The following SHB variants were observed in gnomAD, a reference collection of about 807,000 sequenced individuals.
SHB encodes the protein SH2 domain containing adaptor protein B.
SHB carries 20 observed loss-of-function variants against 52.3 expected under a neutral mutation model. That is an observed-to-expected ratio of 0.38 (90% CI 0.27 to 0.56). The LOEUF (loss-of-function observed/expected upper bound fraction) is 0.56, where lower values mean the gene tolerates loss of function less well. SHB is among the 20% of genes least tolerant of loss of function. The pLI, the probability that SHB is intolerant of heterozygous loss-of-function variation, is 0.71. For missense variants in SHB, 825 were observed against 723.3 expected, an observed-to-expected ratio of 1.14 and a Z score of -1.61; for synonymous variants, 397 against 316.5, an observed-to-expected ratio of 1.25 and a Z score of -2.70.
intron 1 of SHB, among the ~76,000 whole-genome samples, chr9:38,042,768 C>T (rs1022151552): frequency 2.0e-5 from 3 of 152,206 alleles, no homozygotes; most frequent in Non-Finnish European, 2.9e-5. Flanking sequence ...CTGGGGCGAC[C>T]TGGCCCAGCC....
Position 37,955,994 on chromosome 9 carries a change from C to A in SHB, c.1115G>T (p.Arg372Leu). The A allele has an allele frequency of 6.3e-7, 1 of 1,595,494 alleles. No homozygotes were observed. The highest frequency in any genetic ancestry group is 8.5e-7 in the Non-Finnish European group (1 of 1,171,950). Residue 372 changes from arginine (R) to leucine (L), a missense_variant, in exon 4 of 6, where the codon CGC becomes CTC. By Grantham distance (102) the Arg-to-Leu change is moderately radical. Coordinates refer to ENST00000377707, the MANE Select transcript of SHB (RefSeq NM_003028.3). ...GCCCCCTCCAGGGGCACGAAGCTGG[C>A]GCCGCCGGTCCCGCGAAGGTGAGGG... ...SSPSPSRDRRRQLRAPGGGFK... is the reference protein window; with the variant it reads ...SSPSPSRDRRLQLRAPGGGFK...
chr9:37,965,505 AT>A (rs1832739164), intron 3 of SHB, among the ~76,000 whole-genome samples: 1 of 151,698 alleles, frequency 6.6e-6, no homozygotes. Flanking sequence ...AGGCCATGAG[AT>A]TTACTGGTAT....
chr9:38,035,637 G>T (rs1318178986), intron 1 of SHB, among the ~76,000 whole-genome samples: 1 of 152,124 alleles, frequency 6.6e-6, no homozygotes, highest in Non-Finnish European at 1.5e-5. Flanking sequence ...CTTGGGGACA[G>T]AAGGACAAAG....
chr9:37,975,873 T>C (rs2117970377), intron 2 of SHB, among the ~76,000 whole-genome samples: 1 of 152,034 alleles, frequency 6.6e-6, no homozygotes, highest in Non-Finnish European at 1.5e-5. Context: ...GGAAGGGAGA[T>C]GGCATTTGAA....
rs1176831885 is a variant in SHB at position 37,917,250 on chromosome 9, T to C, written c.*2571A>G. Among the ~76,000 whole-genome samples the C allele has an allele frequency of 6.6e-6, 1 of 152,180 alleles. No individual in the cohort carries two copies. The highest frequency in any genetic ancestry group is 1.5e-5 in the Non-Finnish European group (1 of 68,020). On this transcript the variant is annotated 3_prime_UTR_variant, in exon 6 of 6. Transcript: ENST00000377707. ...ATTCTTTTCAGCAGCTCCCATCCTGTAAGCTGGCTCCTCTGCTGGCCTCTG... is the reference window on the plus strand; with the variant it reads ...ATTCTTTTCAGCAGCTCCCATCCTGCAAGCTGGCTCCTCTGCTGGCCTCTG...
intron 5 of SHB, among the ~76,000 whole-genome samples, chr9:37,938,606 G>GAGCC (rs1832401835): frequency 6.6e-6 from 1 of 152,216 alleles, no homozygotes; most frequent in Non-Finnish European, 1.5e-5. Flanking sequence ...CCTGGTGGCG[G>GAGCC]AGCCGCACAG....
intron 3 of SHB, among the ~76,000 whole-genome samples, chr9:37,974,043 T>A (rs1203896456): frequency 6.6e-6 from 1 of 152,072 alleles, no homozygotes; most frequent in African/African-American, 2.4e-5. Context: ...TCACCTGAGG[T>A]CAGGAGTTTG....
intron 5 of SHB, among the ~76,000 whole-genome samples, chr9:37,928,904 G>A (rs954321054): frequency 9.9e-5 from 15 of 152,260 alleles, no homozygotes; most frequent in Non-Finnish European, 1.8e-4. Flanking sequence ...GGAGACTCCA[G>A]AGCAGGACCA....
At chr9:37,946,607 G>T (rs1832494252) in intron 5 of SHB, among the ~76,000 whole-genome samples, 1 of 152,176 alleles carries the variant, frequency 6.6e-6, no homozygotes, top group Non-Finnish European at 1.5e-5. Flanking sequence ...TAGTTCAAGG[G>T]CTCAGTACTT....
intron 5 of SHB, among the ~76,000 whole-genome samples, chr9:37,946,331 C>T (rs897828314): frequency 3.9e-5 from 6 of 152,210 alleles, no homozygotes; most frequent in Admixed American, 1.3e-4. Flanking sequence ...GGGGAAATGA[C>T]GCTTCTGGCC....
chr9:37,955,780 G>A (rs1016584553), intron 4 of SHB, 103 bp downstream of exon 4: 9 of 1,158,964 alleles, frequency 7.8e-6, no homozygotes, highest in African/African-American at 7.6e-5. Context: ...GAGCCACCAC[G>A]CCCGGCCCAG....
chr9:38,007,481 C>T lies in SHB; in HGVS notation c.838+8530G>A, dbSNP rs951958015. ...CTGGTCAGAACGCCCACCCAACTCC[C>T]ACCCTGACGCCAAGGCAGCCTCCCT... is the stretch of plus-strand genomic sequence containing the variant. On this transcript the variant is annotated intron_variant, in intron 2 of 5. Coordinates refer to ENST00000377707, the MANE Select transcript of SHB (RefSeq NM_003028.3). Among the ~76,000 whole-genome samples the T allele has an allele frequency of 4.6e-5, 7 of 152,224 alleles. 1 individual carries two copies. Among genetic ancestry groups the T allele is most frequent in the Admixed American group, 4.6e-4 (7 of 15,292 alleles).
chr9:38,062,337 T>C (rs1821905379), intron 1 of SHB, among the ~76,000 whole-genome samples: 1 of 152,202 alleles, frequency 6.6e-6, no homozygotes, highest in Non-Finnish European at 1.5e-5. Flanking sequence ...GATGATGGCA[T>C]CGAAGGCCCT....
intron 5 of SHB, among the ~76,000 whole-genome samples, chr9:37,931,357 C>T (rs1240414762): frequency 6.6e-6 from 1 of 152,090 alleles, no homozygotes; most frequent in Non-Finnish European, 1.5e-5. Context: ...GGGTTAACAT[C>T]CAAAATTTAT....
chr9:37,936,298 AAAG>A (rs768946132), intron 5 of SHB, among the ~76,000 whole-genome samples: 1 of 152,212 alleles, frequency 6.6e-6, no homozygotes, highest in African/African-American at 2.4e-5. Context: ...TCTAAAATAA[AAAG>A]AAGATAAAAA....
chr9:38,037,101 C>G (rs1821499160), intron 1 of SHB, among the ~76,000 whole-genome samples: 1 of 152,230 alleles, frequency 6.6e-6, no homozygotes, highest in East Asian at 1.9e-4. Flanking sequence ...GCCCTGTAGA[C>G]AGCCTGGCTT....
intron 5 of SHB, among the ~76,000 whole-genome samples, chr9:37,930,810 C>T (rs947337133): frequency 3.3e-5 from 5 of 152,130 alleles, no homozygotes; most frequent in African/African-American, 1.2e-4. Context: ...GTAACCAAAA[C>T]AATGCTGAAG....
intron 1 of SHB, among the ~76,000 whole-genome samples, chr9:38,032,838 C>A (rs537264250): frequency 3.9e-5 from 6 of 152,322 alleles, no homozygotes; most frequent in Admixed American, 2.6e-4. Flanking sequence ...CGGACCCCAA[C>A]ACCAAACCTC....
chr9:37,932,111 G>A (rs754811041), intron 5 of SHB, among the ~76,000 whole-genome samples: 1 of 151,664 alleles, frequency 6.6e-6, no homozygotes, highest in East Asian at 1.9e-4. Flanking sequence ...ATGAAACCCC[G>A]TCTCTACTAA....
Sources: gnomAD v4.1 joint callset for allele counts (sites outside exome capture counted in the v4.1 genomes callset) on GRCh38, gnomAD v4.1.1 for gene constraint, MANE v1.5 for transcripts, NCBI Gene and HGNC (gene_info 2026-07-23, HGNC 2026-07-21) for gene names.